The following ZNF710 variants were observed in gnomAD, a reference collection of about 807,000 sequenced individuals.
The protein encoded by ZNF710 is zinc finger protein 710.
Under a neutral mutation model 50.6 loss-of-function variants are expected in ZNF710, and 13 were observed. The observed-to-expected ratio is 0.26, with a 90% CI of 0.17 to 0.41. The LOEUF is 0.41. Among genes scored for constraint, ZNF710 ranks in the 10% least tolerant of loss-of-function variants. ZNF710 has a pLI of 1.00. For synonymous variants in ZNF710, 383 were observed against 397.0 expected (o/e 0.96, Z 0.42); for missense variants, 721 against 936.6 (o/e 0.77, Z 3.01).
intron 1 of ZNF710, among the ~76,000 whole-genome samples, chr15:90,021,899 T>A (rs1440854317): frequency 6.6e-6 from 1 of 152,014 alleles, no homozygotes; most frequent in Non-Finnish European, 1.5e-5. Context: ...CAGGTGAACA[T>A]AGCAAAACCC....
At position 90,059,175 on chromosome 15, in the gene ZNF710, A is replaced by G. The variant is rs1899925032; in HGVS notation, c.-28-7935A>G. Among the ~76,000 whole-genome samples the G allele has an allele frequency of 6.6e-6, 1 of 152,238 alleles. No individual in the cohort carries two copies. Among genetic ancestry groups the G allele is most frequent in the South Asian group, 2.1e-4 (1 of 4,832 alleles). ...ACTAAATCCTCAAAGATGATGGGAAATTCACCCAGTTCGAGGGAAGGGCAG... is the reference window on the plus strand; with the variant it reads ...ACTAAATCCTCAAAGATGATGGGAAGTTCACCCAGTTCGAGGGAAGGGCAG... On this transcript the variant is annotated intron_variant, in intron 1 of 4. Coordinates refer to ENST00000268154, the MANE Select transcript of ZNF710 (RefSeq NM_198526.4). This position sits in a 1 kb window ranked among gnomAD's most constrained non-coding sequence, Gnocchi z 4.1.
chr15:90,021,691 C>G (rs1311503865), intron 1 of ZNF710, among the ~76,000 whole-genome samples: 1 of 152,164 alleles, frequency 6.6e-6, no homozygotes, highest in Non-Finnish European at 1.5e-5. Flanking sequence ...GATATAGACA[C>G]AAAAGCACAG....
chr15:90,066,969 C>G, intron 1 of ZNF710, 141 bp from the exon 2 acceptor site: 1 of 861,470 alleles, frequency 1.2e-6, no homozygotes, highest in Non-Finnish European at 1.7e-6. Context: ...AACAAGTGTG[C>G]CCTGTTCCCA....
chr15:90,015,725 A>T (rs1405248709), intron 1 of ZNF710, among the ~76,000 whole-genome samples: 1 of 151,774 alleles, frequency 6.6e-6, no homozygotes, highest in Non-Finnish European at 1.5e-5. Flanking sequence ...CTTCCCAAGT[A>T]TCTGGGAACA....
At chr15:90,018,737 C>G (rs1898526559) in intron 1 of ZNF710, among the ~76,000 whole-genome samples, 1 of 152,204 alleles carries the variant, frequency 6.6e-6, no homozygotes, top group African/African-American at 2.4e-5. Flanking sequence ...ATGGACGTTG[C>G]TGGAGGATGT....
At chr15:90,069,596 T>C (rs1446105920) in intron 2 of ZNF710, among the ~76,000 whole-genome samples, 1 of 152,096 alleles carries the variant, frequency 6.6e-6, no homozygotes, top group Non-Finnish European at 1.5e-5. Flanking sequence ...TTCCTTGTCA[T>C]TACAAAAGCA....
chr15:90,008,441 C>CATATATATATATACATATAT (rs1011267136), intron 1 of ZNF710, among the ~76,000 whole-genome samples: 22 of 126,478 alleles, frequency 1.7e-4, no homozygotes, highest in African/African-American at 7.6e-4. Context: ...TATATATATA[C>CATATATATATATACATATAT]ATATATATAT....
At chr15:90,073,044 C>T (rs753770104) in intron 2 of ZNF710, 27 bp from the exon 3 acceptor site, 24 of 1,605,638 alleles carry the variant, frequency 1.5e-5, no homozygotes, top group Non-Finnish European at 2.0e-5. Flanking sequence ...CATTGTGTGG[C>T]CCTGACCATC....
At chr15:90,054,296 A>T (rs1047591786) in intron 1 of ZNF710, among the ~76,000 whole-genome samples, 2 of 151,916 alleles carry the variant, frequency 1.3e-5, no homozygotes, top group South Asian at 2.1e-4. Context: ...GAGGGAGAGG[A>T]AGATGGGATG....
chr15:90,040,327 G>T lies in ZNF710; in HGVS notation c.-28-26783G>T, dbSNP rs138819815. ...CCCAGATCCCCCAGTCTCCAGGGAG[G>T]TGTCCTTAGTGCTCCGGATGGGGTT... On this transcript the variant is annotated intron_variant, in intron 1 of 4. Coordinates refer to ENST00000268154, the MANE Select transcript of ZNF710 (RefSeq NM_198526.4). This position sits in a 1 kb window ranked among gnomAD's most constrained non-coding sequence, Gnocchi z 4.6. Among the ~76,000 whole-genome samples the T allele has an allele frequency of 8.0e-4, 122 of 152,352 alleles. No individual in the cohort carries two copies. The highest frequency in any genetic ancestry group is 2.5e-3 in the African/African-American group (105 of 41,588).
intron 1 of ZNF710, among the ~76,000 whole-genome samples, chr15:90,056,990 A>C (rs1382896354): frequency 1.3e-5 from 2 of 152,056 alleles, no homozygotes; most frequent in Non-Finnish European, 2.9e-5. Context: ...TGGGATCAGC[A>C]TTCCCTTGGG....
intron 1 of ZNF710, among the ~76,000 whole-genome samples, chr15:90,021,853 A>C (rs1334369162): frequency 6.6e-6 from 1 of 152,188 alleles, no homozygotes; most frequent in Non-Finnish European, 1.5e-5. Flanking sequence ...TGGGAGGCTG[A>C]GGCAGGCGGA....
chr15:90,026,548 A>T (rs543732485), intron 1 of ZNF710, among the ~76,000 whole-genome samples: 1 of 152,188 alleles, frequency 6.6e-6, no homozygotes, highest in Non-Finnish European at 1.5e-5. Flanking sequence ...ACAGCTTAGC[A>T]AAAGATGGAG....
chr15:90,078,469 C>A (rs1269358367), intron 4 of ZNF710, among the ~76,000 whole-genome samples: 1 of 152,186 alleles, frequency 6.6e-6, no homozygotes. Flanking sequence ...TAAGAACTTA[C>A]TAGCAGGCCT....
Position 90,040,053 on chromosome 15 carries a change from G to A in ZNF710, c.-28-27057G>A, listed in dbSNP as rs1383988456. On this transcript the variant is annotated intron_variant, in intron 1 of 4. Transcript: ENST00000268154. The surrounding 1 kb of genome is among the most constrained non-coding windows in gnomAD (Gnocchi z 4.6). ...ATATTAGGAAAGACCATAATGTACA[G>A]CAGAGGTGCCTGGTGAGGAAACAGT... Among the ~76,000 whole-genome samples, 1 of 152,246 alleles carries A rather than the reference G, an allele frequency of 6.6e-6. No individual in the cohort carries two copies. Among genetic ancestry groups the A allele is most frequent in the Non-Finnish European group, 1.5e-5 (1 of 68,036 alleles).
In ZNF710 at chr15:90,067,434, G is replaced by A. The variant is rs540463612; in HGVS notation, c.297G>A (p.Thr99=). ...AACEKHTRRK[T]RPPVRLVPKV... is the part of the protein sequence containing the mutation. ...GTGAGAAGCACACCCGGCGGAAGAC[G>A]CGGCCACCTGTGCGGTTGGTGCCCA... The change falls in exon 2 of 5, where the codon ACG becomes ACA. Residue 99 remains threonine, a synonymous_variant. Transcript: ENST00000268154. The surrounding 1 kb of genome is among the most constrained non-coding windows in gnomAD (Gnocchi z 8.1). 2.0e-5 allele frequency: 32 copies of A among 1,607,378 alleles called. No individual in the cohort carries two copies. In the South Asian group the frequency reaches 2.0e-4, roughly 10 times the overall value.
intron 1 of ZNF710, among the ~76,000 whole-genome samples, chr15:90,063,822 G>A (rs1900085012): frequency 6.6e-6 from 1 of 152,180 alleles, no homozygotes; most frequent in South Asian, 2.1e-4. Context: ...GCGCCCTTGA[G>A]GTTGGCGGGA....
intron 1 of ZNF710, among the ~76,000 whole-genome samples, chr15:90,061,504 G>T (rs1457797552): frequency 6.6e-6 from 1 of 152,156 alleles, no homozygotes; most frequent in Non-Finnish European, 1.5e-5. Flanking sequence ...CCTGGTGGTG[G>T]GAACTAGTCA....
chr15:90,006,684 AG>A (rs1898148849), intron 1 of ZNF710: 3 of 153,822 alleles, frequency 2.0e-5, no homozygotes, highest in Admixed American at 6.5e-5. Context: ...GGCTTTAACC[AG>A]GGTGGTACAG....
Sources: gnomAD v4.1 joint callset for allele counts (sites outside exome capture counted in the v4.1 genomes callset) on GRCh38, gnomAD v4.1.1 for gene constraint, Gnocchi (gnomAD v3.1) non-coding constraint, MANE v1.5 for transcripts, NCBI Gene and HGNC (gene_info 2026-07-23, HGNC 2026-07-21) for gene names.